CATSPERT: variants seen among roughly 807,000 people sequenced by gnomAD.
CATSPERT encodes cation channel sperm-associated targeting subunit tau.
At chr2:201,538,146 C>A in the CATSPERT span, among the ~76,000 whole-genome samples, 1 of 152,038 alleles carries the variant, frequency 6.6e-6, no homozygotes, top group South Asian at 2.1e-4. Flanking sequence ...TCTTGCATAA[C>A]TTAAACTTTA....
chr2:201,503,433 G>A, the CATSPERT span, among the ~76,000 whole-genome samples: 1 of 152,070 alleles, frequency 6.6e-6, no homozygotes, highest in Non-Finnish European at 1.5e-5. Flanking sequence ...GTCTCACTCT[G>A]TTGCCCAAGT....
chr2:201,593,351 T>C, the CATSPERT span, among the ~76,000 whole-genome samples: 4 of 151,918 alleles, frequency 2.6e-5, no homozygotes, highest in African/African-American at 9.7e-5. Flanking sequence ...GAGAAATAGT[T>C]TGTTATAATT....
chr2:201,603,470 G>T, the CATSPERT span, among the ~76,000 whole-genome samples: 1 of 152,054 alleles, frequency 6.6e-6, no homozygotes, highest in South Asian at 2.1e-4. Context: ...AGAAAAATGC[G>T]CAGGCCACAT....
the CATSPERT span, chr2:201,545,666 T>C: frequency 2.4e-6 from 2 of 827,294 alleles, no homozygotes; most frequent in African/African-American, 2.1e-5. Context: ...AAAAAAAATA[T>C]ATATGGGAAA....
At chr2:201,516,929 GC>G in the CATSPERT span, among the ~76,000 whole-genome samples, 2 of 92,826 alleles carry the variant, frequency 2.2e-5, no homozygotes, top group East Asian at 6.4e-4. Flanking sequence ...TAATAGGAAG[GC>G]TTTTTTTTTT....
the CATSPERT span, among the ~76,000 whole-genome samples, chr2:201,580,560 G>A: frequency 6.6e-6 from 1 of 152,084 alleles, no homozygotes; most frequent in Non-Finnish European, 1.5e-5. Context: ...TCACCAAGGA[G>A]TCACGAATTT....
the CATSPERT span, among the ~76,000 whole-genome samples, chr2:201,601,065 TTA>T: frequency 6.6e-6 from 1 of 152,096 alleles, no homozygotes; most frequent in Admixed American, 6.6e-5. Context: ...TTAAAAAGTT[TTA>T]AGATACATTT....
At chr2:201,569,854 T>C in the CATSPERT span, among the ~76,000 whole-genome samples, 122 of 152,266 alleles carry the variant, frequency 8.0e-4, no homozygotes, top group Non-Finnish European at 1.1e-3. Flanking sequence ...ATGAGAGCCC[T>C]TTCTAACTCC....
chr2:201,508,153 A>G, the CATSPERT span, among the ~76,000 whole-genome samples: 3 of 152,236 alleles, frequency 2.0e-5, no homozygotes, highest in Non-Finnish European at 4.4e-5. Flanking sequence ...AGAAACTAAC[A>G]TAAGTTTAAG....
At chr2:201,512,986 A>G in the CATSPERT span, among the ~76,000 whole-genome samples, 1 of 151,954 alleles carries the variant, frequency 6.6e-6, no homozygotes, top group African/African-American at 2.4e-5. Flanking sequence ...AAGCTAAATG[A>G]TGATTTAATG....
chr2:201,557,444 T>C, the CATSPERT span: 1 of 152,216 alleles, frequency 6.6e-6, no homozygotes, highest in East Asian at 1.9e-4. Context: ...ATTTTTACTA[T>C]TCTAAGACAC....
the CATSPERT span, among the ~76,000 whole-genome samples, chr2:201,520,476 A>G: frequency 2.6e-5 from 4 of 152,266 alleles, no homozygotes. Flanking sequence ...CTCTTATCTG[A>G]CCACAATGGA....
chr2:201,617,955 A>G, the CATSPERT span, among the ~76,000 whole-genome samples: 1 of 152,236 alleles, frequency 6.6e-6, no homozygotes, highest in African/African-American at 2.4e-5. Flanking sequence ...GACACATGAA[A>G]AAATGCTCAT....
chr2:201,534,536 C>T, the CATSPERT span: 10 of 985,046 alleles, frequency 1.0e-5, no homozygotes, highest in Non-Finnish European at 1.2e-5. Context: ...AAACAAAATC[C>T]CCAAGTCTTC....
At chr2:201,504,750 A>T in the CATSPERT span, among the ~76,000 whole-genome samples, 4 of 152,182 alleles carry the variant, frequency 2.6e-5, no homozygotes, top group Non-Finnish European at 5.9e-5. Context: ...TGCACCTTCC[A>T]TCTGAAGAAC....
At chr2:201,513,046 C>T in the CATSPERT span, among the ~76,000 whole-genome samples, 1 of 149,716 alleles carries the variant, frequency 6.7e-6, no homozygotes, top group Admixed American at 6.7e-5. Flanking sequence ...CTAACCTGCA[C>T]ATTGTGCACA....
the CATSPERT span, among the ~76,000 whole-genome samples, chr2:201,521,721 A>G: frequency 6.6e-6 from 1 of 152,236 alleles, no homozygotes; most frequent in Non-Finnish European, 1.5e-5. Flanking sequence ...CTACAGGCCA[A>G]TATCCCTGAT....
At chr2:201,600,436 G>C in the CATSPERT span, among the ~76,000 whole-genome samples, 1 of 152,112 alleles carries the variant, frequency 6.6e-6, no homozygotes, top group Admixed American at 6.6e-5. Flanking sequence ...GGGCCTGTAG[G>C]GGGCTGGAGG....
the CATSPERT span, chr2:201,618,806 T>C: frequency 9.1e-7 from 1 of 1,093,458 alleles, no homozygotes; most frequent in Non-Finnish European, 1.3e-6. Context: ...GAGATGCAAT[T>C]GGCACACATT....
Sources: gnomAD v4.1 joint callset for allele counts (sites outside exome capture counted in the v4.1 genomes callset) on GRCh38, gnomAD v4.1.1 for gene constraint, MANE v1.5 for transcripts, NCBI Gene and HGNC (gene_info 2026-07-23, HGNC 2026-07-21) for gene names.